The following STRBP variants were observed in gnomAD, a reference collection of about 807,000 sequenced individuals.
STRBP encodes the protein spermatid perinuclear RNA-binding protein.
In STRBP, 13 loss-of-function variants were observed where a neutral mutation model predicts 80.1. The observed-to-expected ratio is 0.16, with a 90% CI of 0.11 to 0.26. STRBP has a LOEUF of 0.26. Among genes scored for constraint, STRBP ranks in the 10% least tolerant of loss-of-function variants. The pLI is 1.00. For missense variants in STRBP, 485 were observed against 815.2 expected (o/e 0.59, Z 4.93); for synonymous variants, 284 against 291.2 (o/e 0.98, Z 0.25).
intron 2 of STRBP, among the ~76,000 whole-genome samples, chr9:123,227,865 G>A (rs2040288552): frequency 6.6e-6 from 1 of 152,048 alleles, no homozygotes; most frequent in African/African-American, 2.4e-5. Context: ...GGCCTGATCT[G>A]ACATATTTCT....
chr9:123,149,104 T>C (rs2036946503), intron 11 of STRBP, among the ~76,000 whole-genome samples: 1 of 152,222 alleles, frequency 6.6e-6, no homozygotes, highest in Admixed American at 6.5e-5. Context: ...AGGAAAATTA[T>C]GCTCAAGATA....
intron 11 of STRBP, among the ~76,000 whole-genome samples, chr9:123,151,595 A>G (rs2037059124): frequency 6.6e-6 from 1 of 152,216 alleles, no homozygotes. Flanking sequence ...CCATGGGTCA[A>G]AAAATTAGGA....
At chr9:123,244,615 A>G (rs935649678) in intron 1 of STRBP, among the ~76,000 whole-genome samples, 1 of 152,222 alleles carries the variant, frequency 6.6e-6, no homozygotes, top group Non-Finnish European at 1.5e-5. Context: ...AACTGCTCCA[A>G]TGAAGTCTAC....
intron 3 of STRBP, chr9:123,181,042 T>C (rs2038436344): frequency 3.8e-6 from 2 of 522,174 alleles, no homozygotes; most frequent in Admixed American, 1.3e-4. Context: ...CTGTCCTCTA[T>C]AAAGCAAAGA....
intron 3 of STRBP, chr9:123,114,377 CTG>C (rs1348979719): frequency 6.0e-6 from 1 of 167,166 alleles, no homozygotes; most frequent in Non-Finnish European, 1.5e-5. Flanking sequence ...GGGCTACAGA[CTG>C]TGTTCCACAG....
At chr9:123,244,442 T>C (rs2040759674) in intron 1 of STRBP, among the ~76,000 whole-genome samples, 1 of 152,268 alleles carries the variant, frequency 6.6e-6, no homozygotes, top group South Asian at 2.1e-4. Flanking sequence ...AGTCCTAATA[T>C]AAGCCATAGA....
chr9:123,222,943 G>A (rs1265485307), intron 2 of STRBP, among the ~76,000 whole-genome samples: 1 of 151,554 alleles, frequency 6.6e-6, no homozygotes, highest in East Asian at 1.9e-4. Context: ...GTCTTTCGAG[G>A]TGAATACCAA....
chr9:123,207,879 T>C (rs1307749887), intron 2 of STRBP, among the ~76,000 whole-genome samples: 1 of 152,222 alleles, frequency 6.6e-6, no homozygotes, highest in Non-Finnish European at 1.5e-5. Flanking sequence ...CACAGTTGTT[T>C]ATCATATTCT....
chr9:123,204,373 CACAA>C (rs1221922635), intron 2 of STRBP, among the ~76,000 whole-genome samples: 1 of 152,150 alleles, frequency 6.6e-6, no homozygotes, highest in African/African-American at 2.4e-5. Context: ...TCACTGTCTC[CACAA>C]ACAAATCAAA....
At chr9:123,113,127 T>G (rs1320882254) in intron 3 of STRBP, 1 of 167,150 alleles carries the variant, frequency 6.0e-6, no homozygotes, top group Non-Finnish European at 1.5e-5. Context: ...AAAAGTACCT[T>G]GACCAGGAAG....
At chr9:123,208,827 ACT>A (rs2039611866) in intron 2 of STRBP, among the ~76,000 whole-genome samples, 2 of 151,962 alleles carry the variant, frequency 1.3e-5, no homozygotes, top group African/African-American at 4.8e-5. Flanking sequence ...ACAGCCCAAC[ACT>A]CTGACAAGAA....
intron 2 of STRBP, among the ~76,000 whole-genome samples, chr9:123,184,699 TACA>T (rs2038625326): frequency 1.3e-5 from 2 of 152,198 alleles, no homozygotes; most frequent in Non-Finnish European, 2.9e-5. Context: ...CACCTGAAAA[TACA>T]ACAATACCAA....
At chr9:123,256,018 C>CTTTTTTTTTTTTTTTTTT (rs11338372) in intron 1 of STRBP, among the ~76,000 whole-genome samples, 4 of 71,484 alleles carry the variant, frequency 5.6e-5, no homozygotes, top group Non-Finnish European at 7.2e-5. Context: ...TCCTTTCTTT[C>CTTTTTTTTTTTTTTTTTT]TTTTTTTTTT....
At chr9:123,200,082 T>A (rs923501845) in intron 2 of STRBP, among the ~76,000 whole-genome samples, 4 of 152,224 alleles carry the variant, frequency 2.6e-5, no homozygotes, top group African/African-American at 2.4e-5. Flanking sequence ...GTTTTTATCA[T>A]AAAGTGTGCT....
At chr9:123,233,135 G>A (rs968747255) in intron 2 of STRBP, among the ~76,000 whole-genome samples, 3 of 152,162 alleles carry the variant, frequency 2.0e-5, no homozygotes, top group African/African-American at 7.2e-5. Flanking sequence ...GTGCAGTGGC[G>A]TGAACATAGC....
intron 5 of STRBP, 29 bp downstream of exon 5, chr9:123,173,648 G>A (rs370308054): frequency 5.4e-5 from 85 of 1,560,038 alleles, no homozygotes; most frequent in Middle Eastern, 3.4e-4. Context: ...TTACAAATTC[G>A]CCTAGAGGTG....
chr9:123,120,667 T>A (rs1316904774), downstream of STRBP, among the ~76,000 whole-genome samples: 1 of 152,088 alleles, frequency 6.6e-6, no homozygotes, highest in Non-Finnish European at 1.5e-5. Context: ...AAAAATGTGC[T>A]CCGTGTTTAA....
intron 2 of STRBP, among the ~76,000 whole-genome samples, chr9:123,190,285 G>GAA (rs1231552691): frequency 1.7e-4 from 14 of 81,770 alleles, no homozygotes; most frequent in African/African-American, 4.5e-4. Context: ...ATCTCAGAAA[G>GAA]AAAAAAAAAA....
intron 13 of STRBP, among the ~76,000 whole-genome samples, chr9:123,143,690 C>A (rs1195320917): frequency 6.6e-6 from 1 of 152,030 alleles, no homozygotes; most frequent in African/African-American, 2.4e-5. Flanking sequence ...ATCTTTTGAC[C>A]CAATAATTCT....
Sources: gnomAD v4.1 joint callset for allele counts (sites outside exome capture counted in the v4.1 genomes callset) on GRCh38, gnomAD v4.1.1 for gene constraint, MANE v1.5 for transcripts, NCBI Gene and HGNC (gene_info 2026-07-23, HGNC 2026-07-21) for gene names.